The following MKLN1 variants were observed in gnomAD, a reference collection of about 807,000 sequenced individuals.
The protein encoded by MKLN1 is muskelin.
In MKLN1, 18 loss-of-function variants were observed where a neutral mutation model predicts 99.0. That is an observed-to-expected ratio of 0.18 (90% CI 0.13 to 0.27). MKLN1 has a LOEUF of 0.27. Among genes scored for constraint, MKLN1 ranks in the 10% least tolerant of loss-of-function variants. The pLI is 1.00. For synonymous variants in MKLN1, 288 were observed against 293.2 expected (o/e 0.98, Z 0.18); for missense variants, 621 against 875.9 (o/e 0.71, Z 3.67).
At chr7:131,378,733 G>A (rs1447295585) in intron 2 of MKLN1, among the ~76,000 whole-genome samples, 2 of 152,134 alleles carry the variant, frequency 1.3e-5, no homozygotes, top group East Asian at 3.9e-4. Context: ...AGGAGGCTGA[G>A]TTGGGAGGAT....
At chr7:131,232,900 G>A (rs1043237888) in intron 3 of MKLN1, among the ~76,000 whole-genome samples, 38 of 151,894 alleles carry the variant, frequency 2.5e-4, no homozygotes, top group Admixed American at 1.5e-3. Flanking sequence ...GAAAAGCACT[G>A]ATCATGAGGA....
intron 2 of MKLN1, among the ~76,000 whole-genome samples, chr7:131,191,047 G>A (rs115943614): frequency 2.2e-4 from 33 of 152,286 alleles, no homozygotes; most frequent in African/African-American, 7.5e-4. Context: ...TGAGGACCAC[G>A]CTGTGACTAG....
chr7:131,121,488 A>C (rs988656149), intron 1 of MKLN1, among the ~76,000 whole-genome samples: 1 of 151,888 alleles, frequency 6.6e-6, no homozygotes. Context: ...AACACAAAAA[A>C]TTAGCTGGGT....
At chr7:131,256,746 C>G (rs1797663329) in intron 3 of MKLN1, among the ~76,000 whole-genome samples, 1 of 152,138 alleles carries the variant, frequency 6.6e-6, no homozygotes, top group Admixed American at 6.5e-5. Context: ...AGGAGCTAAA[C>G]ACTGGGTACA....
At chr7:131,243,302 G>T (rs779062196) in intron 3 of MKLN1, among the ~76,000 whole-genome samples, 5 of 152,090 alleles carry the variant, frequency 3.3e-5, no homozygotes, top group African/African-American at 4.8e-5. Context: ...CTCTTCAGGG[G>T]GCCTAGATAC....
intron 3 of MKLN1, among the ~76,000 whole-genome samples, chr7:131,315,392 C>T (rs189144866): frequency 6.2e-4 from 94 of 152,262 alleles, no homozygotes; most frequent in African/African-American, 2.0e-3. Context: ...GCTTTTCCCA[C>T]GGTATTTGCA....
At chr7:131,307,057 C>T (rs1437940453) in intron 3 of MKLN1, among the ~76,000 whole-genome samples, 1 of 151,986 alleles carries the variant, frequency 6.6e-6, no homozygotes. Flanking sequence ...ATGCAGGATG[C>T]CATGCCCATT....
chr7:131,278,494 C>A (rs1440800762), intron 3 of MKLN1, among the ~76,000 whole-genome samples: 1 of 152,084 alleles, frequency 6.6e-6, no homozygotes, highest in Non-Finnish European at 1.5e-5. Flanking sequence ...CATTCTTTTT[C>A]CATTGATAAT....
In MKLN1 at chr7:131,478,672, C is replaced by A; in HGVS notation, c.2081C>A (p.Ala694Asp). 1 of 1,594,974 alleles carries A rather than the reference C, an allele frequency of 6.3e-7. No individual in the cohort carries two copies. ...ALFKSGSDFTALGFSDVDHTY... is the reference protein window; with the variant it reads ...ALFKSGSDFTDLGFSDVDHTY... ...TTCAAATCTGGTTCAGATTTTACAG[C>A]TCTGGGTAAGTATTGCAGTATAATT... The change falls in exon 17 of 18, where the codon GCT (alanine) becomes GAT (aspartate). Residue 694 changes from alanine to aspartate, a missense_variant. Ala to Asp is a moderately radical substitution (Grantham distance 126). Coordinates refer to ENST00000352689, the MANE Select transcript of MKLN1 (RefSeq NM_013255.5).
chr7:131,164,919 T>C (rs1165435624), intron 2 of MKLN1, among the ~76,000 whole-genome samples: 2 of 152,158 alleles, frequency 1.3e-5, no homozygotes, highest in Non-Finnish European at 2.9e-5. Flanking sequence ...ATAAGTGCTG[T>C]AGGAGCAACA....
chr7:131,165,930 C>T (rs1796116565), intron 2 of MKLN1, among the ~76,000 whole-genome samples: 1 of 152,166 alleles, frequency 6.6e-6, no homozygotes. Context: ...GCCGGGGCAA[C>T]ATGGCGAAAC....
chr7:131,257,058 C>T (rs1342458660), intron 3 of MKLN1, among the ~76,000 whole-genome samples: 4 of 152,042 alleles, frequency 2.6e-5, no homozygotes, highest in Admixed American at 6.5e-5. Flanking sequence ...GACATAAAAT[C>T]GTATTAAGTA....
intron 2 of MKLN1, among the ~76,000 whole-genome samples, chr7:131,202,186 T>TTC (rs1796739003): frequency 8.1e-6 from 1 of 123,400 alleles, no homozygotes; most frequent in Non-Finnish European, 1.6e-5. Context: ...TTTGAGATGT[T>TTC]GTCTTGCTCT....
chr7:131,290,499 AT>A (rs1247207518), intron 3 of MKLN1, among the ~76,000 whole-genome samples: 1 of 152,244 alleles, frequency 6.6e-6, no homozygotes, highest in East Asian at 1.9e-4. Flanking sequence ...TGCCTAGAAC[AT>A]TGCATGGAAC....
intron 2 of MKLN1, among the ~76,000 whole-genome samples, chr7:131,157,664 C>CT (rs1795989172): frequency 6.6e-6 from 1 of 152,028 alleles, no homozygotes; most frequent in African/African-American, 2.4e-5. Context: ...CTTTTGACCT[C>CT]TTTTTTCATG....
intron 3 of MKLN1, among the ~76,000 whole-genome samples, chr7:131,221,364 G>T (rs967116329): frequency 6.6e-6 from 1 of 152,190 alleles, no homozygotes; most frequent in African/African-American, 2.4e-5. Flanking sequence ...GAGGAGAAAG[G>T]TGTCCAGGCA....
chr7:131,175,308 C>CACATATGA (rs2116344662), intron 2 of MKLN1, among the ~76,000 whole-genome samples: 1 of 150,346 alleles, frequency 6.7e-6, no homozygotes, highest in Admixed American at 6.7e-5. Flanking sequence ...GTTGTTCTCC[C>CACATATGA]ACATATGAAA....
chr7:131,482,062 A>G (rs1797138878), intron 17 of MKLN1, among the ~76,000 whole-genome samples: 1 of 152,238 alleles, frequency 6.6e-6, no homozygotes, highest in African/African-American at 2.4e-5. Context: ...GGTTGAACTC[A>G]GTCACTTTGC....
chr7:131,388,720 G>A (rs895847478), intron 3 of MKLN1, among the ~76,000 whole-genome samples, 164 bp from the exon 4 acceptor site: 1 of 152,102 alleles, frequency 6.6e-6, no homozygotes, highest in Admixed American at 6.5e-5. Context: ...TGAATGTACC[G>A]GTTTTGACCT....
Sources: gnomAD v4.1 joint callset for allele counts (sites outside exome capture counted in the v4.1 genomes callset) on GRCh38, gnomAD v4.1.1 for gene constraint, MANE v1.5 for transcripts, NCBI Gene and HGNC (gene_info 2026-07-23, HGNC 2026-07-21) for gene names.